Variants in SPOCK1 observed in about 807,000 individuals in gnomAD.
The protein encoded by SPOCK1 is SPARC (osteonectin), cwcv and kazal like domains proteoglycan 1.
A neutral mutation model predicts 55.3 loss-of-function variants in SPOCK1; 23 were observed. The ratio of observed to expected loss-of-function variants is 0.42; its 90% CI spans 0.30 to 0.59. The LOEUF is 0.59. Among genes scored for constraint, SPOCK1 ranks in the 20% least tolerant of loss-of-function variants. SPOCK1 has a pLI of 0.22. For synonymous variants in SPOCK1, 226 were observed against 221.0 expected (o/e 1.02, Z -0.20); for missense variants, 499 against 552.5 (o/e 0.90, Z 0.97).
intron 3 of SPOCK1, among the ~76,000 whole-genome samples, chr5:137,245,128 AG>A (rs1340182753): frequency 6.6e-6 from 1 of 152,256 alleles, no homozygotes; most frequent in African/African-American, 2.4e-5. Context: ...ACAAGGTATT[AG>A]TGAACATGAC....
chr5:136,985,317 T>C, intron 8 of SPOCK1, 115 bp from the exon 9 acceptor site: 1 of 1,017,348 alleles, frequency 9.8e-7, no homozygotes, highest in Non-Finnish European at 1.5e-6. Context: ...GTGGAATTGT[T>C]CCATATGCTG....
intron 2 of SPOCK1, among the ~76,000 whole-genome samples, chr5:137,439,814 T>C (rs936181198): frequency 1.2e-4 from 19 of 152,210 alleles, no homozygotes; most frequent in African/African-American, 3.9e-4. Context: ...GCATCTTCTC[T>C]GAAGTCTGAG....
chr5:137,003,482 T>C (rs887683982), intron 6 of SPOCK1, among the ~76,000 whole-genome samples: 4 of 152,214 alleles, frequency 2.6e-5, no homozygotes, highest in Non-Finnish European at 5.9e-5. Context: ...TTACATAATA[T>C]ATATGCATAT....
Position 137,302,579 on chromosome 5 carries a change from A to T in SPOCK1, c.187-35524T>A, listed in dbSNP as rs1007814955. Among the ~76,000 whole-genome samples, 10 of 141,206 alleles carry T rather than the reference A, an allele frequency of 7.1e-5. No homozygotes were observed. The South Asian group carries it at 1.4e-3, about 20-fold the overall frequency. The allele number at this position is 141,206 out of a possible 152,430, so 92.6% of individuals were successfully genotyped here. On this transcript the variant is annotated intron_variant, in intron 2 of 10. Transcript: ENST00000394945. ...GCAACAGAGTGAGACTCCATCTCAAAAAATAAATAAATAAATAAATAAATA... is the reference window on the plus strand; with the variant it reads ...GCAACAGAGTGAGACTCCATCTCAATAAATAAATAAATAAATAAATAAATA...
chr5:137,062,736 A>T (rs1364988017), intron 6 of SPOCK1, among the ~76,000 whole-genome samples: 1 of 150,346 alleles, frequency 6.7e-6, no homozygotes, highest in Non-Finnish European at 1.5e-5. Context: ...CCTGAAAAAA[A>T]CAAAAAAATG....
chr5:137,425,872 C>T (rs974762315), intron 2 of SPOCK1, among the ~76,000 whole-genome samples: 1 of 151,684 alleles, frequency 6.6e-6, no homozygotes, highest in Non-Finnish European at 1.5e-5. Flanking sequence ...ACATTTCCTA[C>T]TGCAGTACAT....
intron 2 of SPOCK1, among the ~76,000 whole-genome samples, chr5:137,402,929 A>T (rs986582507): frequency 6.6e-6 from 1 of 152,240 alleles, no homozygotes; most frequent in Non-Finnish European, 1.5e-5. Flanking sequence ...GATGGCTTAC[A>T]GAGTTGTGAG....
At chr5:137,265,113 T>C (rs1756824567) in intron 3 of SPOCK1, among the ~76,000 whole-genome samples, 1 of 152,198 alleles carries the variant, frequency 6.6e-6, no homozygotes, top group Non-Finnish European at 1.5e-5. Context: ...TTGAACTGTT[T>C]ACCTGCTCAG....
At chr5:137,233,391 A>C (rs1756108872) in intron 3 of SPOCK1, among the ~76,000 whole-genome samples, 1 of 152,200 alleles carries the variant, frequency 6.6e-6, no homozygotes, top group African/African-American at 2.4e-5. Flanking sequence ...TAACATGTGC[A>C]GTTCACAACA....
intron 5 of SPOCK1, among the ~76,000 whole-genome samples, chr5:137,083,055 G>A (rs1038219233): frequency 6.6e-6 from 1 of 152,108 alleles, no homozygotes; most frequent in South Asian, 2.1e-4. Context: ...TCTGAGGGGG[G>A]ACCCTGTGAA....
chr5:137,139,488 A>T (rs550012143), intron 4 of SPOCK1, among the ~76,000 whole-genome samples: 54 of 152,162 alleles, frequency 3.5e-4, no homozygotes, highest in Non-Finnish European at 6.5e-4. Flanking sequence ...GACTTCAGGA[A>T]CAGAGGGAAG....
intron 5 of SPOCK1, among the ~76,000 whole-genome samples, chr5:137,073,207 T>C (rs983548569): frequency 6.6e-6 from 1 of 152,068 alleles, no homozygotes; most frequent in Non-Finnish European, 1.5e-5. Flanking sequence ...GTAGAACCAA[T>C]GGGACAAAGG....
At chr5:137,018,817 A>C (rs1439758736) in intron 6 of SPOCK1, among the ~76,000 whole-genome samples, 1 of 152,224 alleles carries the variant, frequency 6.6e-6, no homozygotes, top group African/African-American at 2.4e-5. Flanking sequence ...AAGTTACTAT[A>C]AATGATGTTA....
At chr5:137,143,249 G>A (rs1754132460) in intron 3 of SPOCK1, among the ~76,000 whole-genome samples, 1 of 152,174 alleles carries the variant, frequency 6.6e-6, no homozygotes, top group South Asian at 2.1e-4. Flanking sequence ...GTTGGCCTAG[G>A]GTGATGGGTG....
chr5:137,403,588 C>T (rs183224758), intron 2 of SPOCK1, among the ~76,000 whole-genome samples: 129 of 151,888 alleles, frequency 8.5e-4, no homozygotes, highest in African/African-American at 2.8e-3. Flanking sequence ...AAAATGCAGG[C>T]GGTAGGGTGT....
chr5:137,451,085 T>C (rs146401346), intron 2 of SPOCK1, among the ~76,000 whole-genome samples: 22 of 152,206 alleles, frequency 1.4e-4, no homozygotes, highest in African/African-American at 5.1e-4. Flanking sequence ...CCTGGCCCAG[T>C]CTAGGAACAG....
At position 137,311,025 on chromosome 5, in the gene SPOCK1, A is replaced by G. The variant is rs185537329; in HGVS notation, c.187-43970T>C. Among the ~76,000 whole-genome samples, 4 of 152,148 alleles carry G rather than the reference A, an allele frequency of 2.6e-5. No individual in the cohort carries two copies. The East Asian group carries it at 5.8e-4, about 22-fold the overall frequency. ...GAACCCTTCTCTCATTCAAGAGCAA[A>G]CCTCCGGAAGGCCAGTCTGAAAATC... On this transcript the variant is annotated intron_variant, in intron 2 of 10. Coordinates refer to ENST00000394945, the MANE Select transcript of SPOCK1 (RefSeq NM_004598.4).
At chr5:137,453,635 C>G (rs1753304626) in intron 2 of SPOCK1, among the ~76,000 whole-genome samples, 1 of 152,194 alleles carries the variant, frequency 6.6e-6, no homozygotes. Context: ...CAAGGCTGCA[C>G]TCTTGTTCAA....
intron 6 of SPOCK1, among the ~76,000 whole-genome samples, chr5:137,020,320 C>CTATA (rs1243342750): frequency 6.6e-6 from 1 of 151,520 alleles, no homozygotes; most frequent in Non-Finnish European, 1.5e-5. Flanking sequence ...GTGGCAGTAG[C>CTATA]TATATTATCA....
Sources: allele counts gnomAD v4.1 joint callset (sites outside exome capture counted in the v4.1 genomes callset), GRCh38; gene constraint gnomAD v4.1.1; transcripts MANE v1.5; gene names NCBI Gene and HGNC (gene_info 2026-07-23, HGNC 2026-07-21).